CCDC154: variants seen among roughly 807,000 people sequenced by gnomAD.
CCDC154 encodes the protein coiled-coil domain-containing protein 154.
Under a neutral mutation model 87.5 loss-of-function variants are expected in CCDC154, and 91 were observed. The ratio of observed to expected loss-of-function variants is 1.04; its 90% CI spans 0.88 to 1.24. CCDC154 has a LOEUF of 1.24. Among genes scored for constraint, CCDC154 ranks in the 50% most tolerant of loss-of-function variants. The pLI, the probability that CCDC154 is intolerant of heterozygous loss-of-function variation, is 0.00. For missense variants in CCDC154, 903 were observed against 879.2 expected, an observed-to-expected ratio of 1.03 and a Z score of -0.34; for synonymous variants, 418 against 400.4, an observed-to-expected ratio of 1.04 and a Z score of -0.52.
chr16:1,444,273 G>A, intron 1 of CCDC154, 43 bp downstream of exon 1: 1 of 1,299,602 alleles, frequency 7.7e-7, no homozygotes, highest in Non-Finnish European at 1.0e-6. Context: ...CCTCACACCT[G>A]TGGCAAGCCC....
chr16:1,444,034 G>T, intron 1 of CCDC154, 22 bp from the exon 2 acceptor site: 1 of 1,293,566 alleles, frequency 7.7e-7, no homozygotes, highest in Non-Finnish European at 1.0e-6. Context: ...CATCTTGGGA[G>T]CTTGCCCCTT....
In CCDC154 at chr16:1,436,515, T is replaced by A; in HGVS notation, c.1417A>T (p.Ser473Cys). Residue 473 changes from serine (S) to cysteine (C), a missense_variant, in exon 13 of 17, where the codon AGT becomes TGT. By Grantham distance (112) the Ser-to-Cys change is moderately radical. Transcript: ENST00000389176. The part of the protein sequence containing the change: ...KVDGLPQQIE[S>C]VSDKCLLHKS... The stretch of plus-strand genomic sequence containing the variant: ...TGAAGCAGGCACTTGTCGGAGACAC[T>A]CTCTATCTGAACACAGAGCCGGGAG... 1.3e-6 allele frequency: 2 copies of A among 1,548,726 alleles called. No homozygotes were observed. The highest frequency in any genetic ancestry group is 1.7e-6 in the Non-Finnish European group (2 of 1,146,836).
Position 1,438,846 on chromosome 16 carries a change from T to C in CCDC154, c.875A>G (p.Glu292Gly). 2 of 1,547,576 alleles carry C rather than the reference T, an allele frequency of 1.3e-6. No homozygotes were observed. Residue 292 changes from glutamate (E) to glycine (G), a missense_variant, in exon 8 of 17, where the codon GAG becomes GGG. Physicochemically the swap from Glu to Gly is moderately conservative, Grantham distance 98. Coordinates refer to ENST00000389176, the MANE Select transcript of CCDC154 (RefSeq NM_001143980.3). ...CTGCCCCTGCAGGGCCCGCAGGCGCTCCTCCATCAGCCCCCGAAGCTTCTC... is the reference window on the plus strand; with the variant it reads ...CTGCCCCTGCAGGGCCCGCAGGCGCCCCTCCATCAGCCCCCGAAGCTTCTC... ...RWEKLRGLME[E>G]RLRALQGQHE...
In CCDC154 at chr16:1,442,421, C is replaced by G; in HGVS notation, c.660G>C (p.Glu220Asp). The change falls in exon 6 of 17, where the codon GAG becomes GAC. Residue 220 changes from glutamate to aspartate, a missense_variant. Coordinates refer to ENST00000389176, the MANE Select transcript of CCDC154 (RefSeq NM_001143980.3). ...CTGGTGGTACCTGCATTCTGGCCAC[C>G]TCCAGGTCCACCCTCCGGCTGCTGT... ...QEDSSRRVDL[E>D]VARMQAQVTK... 6.5e-7 allele frequency: 1 copy of G among 1,549,374 alleles called. No homozygotes were observed. Among genetic ancestry groups the G allele is most frequent in the Non-Finnish European group, 8.7e-7 (1 of 1,146,352 alleles).
In CCDC154 at chr16:1,436,532, A is replaced by G. The variant is rs2038503656; in HGVS notation, c.1411-11T>C. The G allele has an allele frequency of 6.5e-7, 1 of 1,548,644 alleles. No individual in the cohort carries two copies. The highest frequency in any genetic ancestry group is 2.4e-5 in the East Asian group (1 of 40,888). ...GGAGACACTCTCTATCTGAACACAG[A>G]GCCGGGAGCGGCGGGCAGCCCCAGG... On this transcript the variant is annotated splice_polypyrimidine_tract_variant and intron_variant, in intron 12 of 16. Coordinates refer to ENST00000389176, the MANE Select transcript of CCDC154 (RefSeq NM_001143980.3).
rs888162276 is a variant in CCDC154 at position 1,434,822 on chromosome 16, T to A, written c.1723A>T (p.Ser575Cys). 2.0e-6 allele frequency: 3 copies of A among 1,529,844 alleles called. No homozygotes were observed. In the African/African-American group the frequency reaches 4.1e-5, roughly 21 times the overall value. The allele number at this position is 1,529,844 out of a possible 1,614,324, so 94.8% of individuals were successfully genotyped here. Residue 575 changes from serine to cysteine, a missense_variant, in exon 16 of 17, where the codon AGT becomes TGT. Transcript: ENST00000389176. Reference sequence around the variant, plus strand: ...TCCTCACTCCACAGCCGGAGCACACTCTCCCACAGGGTGGCCATCTCCTGC... The same window carrying A: ...TCCTCACTCCACAGCCGGAGCACACACTCCCACAGGGTGGCCATCTCCTGC... The part of the protein sequence containing the change: ...RTQEMATLWE[S>C]VLRLWSEEGP...
intron 13 of CCDC154, among the ~76,000 whole-genome samples, 159 bp from the exon 14 acceptor site, chr16:1,436,245 G>A (rs1454419053): frequency 6.7e-6 from 1 of 149,310 alleles, no homozygotes; most frequent in Non-Finnish European, 1.5e-5. Context: ...GTCCCCAACG[G>A]GGGGTAGAGG....
chr16:1,436,298 G>T, intron 13 of CCDC154, 147 bp downstream of exon 13: 1 of 851,570 alleles, frequency 1.2e-6, no homozygotes, highest in Non-Finnish European at 1.8e-6. Flanking sequence ...GGGTGGCAGG[G>T]TGAGCCCGGT....
chr16:1,437,371 G>C (rs2038511679), intron 11 of CCDC154: 2 of 187,888 alleles, frequency 1.1e-5, no homozygotes, highest in African/African-American at 2.4e-5. Flanking sequence ...ATGGGAATGA[G>C]TGCGGATGGG....
At chr16:1,443,369 A>G in intron 3 of CCDC154, 68 bp from the exon 4 acceptor site, 1 of 1,506,538 alleles carries the variant, frequency 6.6e-7, no homozygotes, top group Non-Finnish European at 8.9e-7. Flanking sequence ...CCTGGAGTCC[A>G]CCCAGCTCCG....
chr16:1,435,983 C>T lies in CCDC154; in HGVS notation c.1591G>A (p.Gly531Ser). The T allele has an allele frequency of 1.3e-6, 2 of 1,549,640 alleles. No homozygotes were observed. The highest frequency in any genetic ancestry group is 8.7e-7 in the Non-Finnish European group (1 of 1,146,606). ...CCCAGGACTACCGTGGCCAGCTTGCCCTGCATCTCCGCGATCTTCCGCCCA... is the reference window on the plus strand; with the variant it reads ...CCCAGGACTACCGTGGCCAGCTTGCTCTGCATCTCCGCGATCTTCCGCCCA... ...NPGRKIAEMQGKLATFQNQIM... is the reference protein window; with the variant it reads ...NPGRKIAEMQSKLATFQNQIM... The change falls in exon 14 of 17, where the codon GGC becomes AGC. Residue 531 changes from glycine to serine, a missense_variant. By Grantham distance (56) the Gly-to-Ser change is moderately conservative (BLOSUM62 0). Coordinates refer to ENST00000389176, the MANE Select transcript of CCDC154 (RefSeq NM_001143980.3).
rs754264923 is a variant in CCDC154, at chr16:1,438,918, C to T, written c.803G>A (p.Arg268Gln). 6.4e-5 allele frequency: 99 copies of T among 1,549,474 alleles called. 1 individual carries two copies. In the East Asian group the frequency reaches 1.3e-3, roughly 21 times the overall value. ...EKRMKASESS[R>Q]LKLEGSLRGE... ...CCGCAGGCTGCCCTCCAGCTTCAGC[C>T]GTGAGCTCTCCGAGGCCTTCATTCT... The change falls in exon 8 of 17, where the codon CGG (arginine) becomes CAG (glutamine). Residue 268 changes from arginine to glutamine, a missense_variant. By Grantham distance (43) the Arg-to-Gln change is conservative. Coordinates refer to ENST00000389176, the MANE Select transcript of CCDC154 (RefSeq NM_001143980.3).
intron 3 of CCDC154, 77 bp from the exon 4 acceptor site, chr16:1,443,378 C>T (rs1567259697): frequency 2.4e-5 from 36 of 1,494,458 alleles, no homozygotes; most frequent in Middle Eastern, 1.8e-4. Flanking sequence ...CACCCAGCTC[C>T]GGCACCACTG....
Position 1,443,852 on chromosome 16 carries a change from G to C in CCDC154, c.168C>G (p.Ser56=). 1 of 1,304,360 alleles carries C rather than the reference G, an allele frequency of 7.7e-7. No individual in the cohort carries two copies. The highest frequency in any genetic ancestry group is 1.2e-5 in the South Asian group (1 of 81,036). 80.8% of individuals were successfully genotyped at this position (1,304,360 alleles called of 1,614,324 possible). The change falls in exon 2 of 17, where the codon TCC becomes TCG. Residue 56 remains serine (S), a synonymous_variant. Coordinates refer to ENST00000389176, the MANE Select transcript of CCDC154 (RefSeq NM_001143980.3). ...TGTCCTGCTCGGGGACAGAGGCCGT[G>C]GATGTCGGATGGCTGGACTCATACC... ...SERYESSHPT[S]TASVPEQDTA...
chr16:1,441,263 C>T (rs1324363072), intron 6 of CCDC154, among the ~76,000 whole-genome samples: 2 of 152,250 alleles, frequency 1.3e-5, no homozygotes, highest in African/African-American at 4.8e-5. Flanking sequence ...CCCAGCACCC[C>T]TGCCTGCTCC....
intron 7 of CCDC154, 32 bp downstream of exon 7, chr16:1,438,993 G>A (rs938530162): frequency 6.5e-6 from 10 of 1,549,836 alleles, no homozygotes; most frequent in East Asian, 2.4e-5. Flanking sequence ...GGGAAGGGGG[G>A]CAGGGCAGGC....
At position 1,436,505 on chromosome 16, in the gene CCDC154, T is replaced by C. The variant is rs570758553; in HGVS notation, c.1427A>G (p.Asp476Gly). ...GLPQQIESVSDKCLLHKSDSD... is the reference protein window; with the variant it reads ...GLPQQIESVSGKCLLHKSDSD... The stretch of plus-strand genomic sequence containing the variant: ...GTCGCTCTTATGAAGCAGGCACTTG[T>C]CGGAGACACTCTCTATCTGAACACA... The change falls in exon 13 of 17, where the codon GAC (aspartate) becomes GGC (glycine). Residue 476 changes from aspartate (D) to glycine (G), a missense_variant. Coordinates refer to ENST00000389176, the MANE Select transcript of CCDC154 (RefSeq NM_001143980.3). 10 of 1,549,016 alleles carry C rather than the reference T, an allele frequency of 6.5e-6. 1 individual carries two copies. The East Asian group carries it at 2.2e-4, about 34-fold the overall frequency.
rs867487247 is a variant in CCDC154 at position 1,438,889 on chromosome 16, C to T, written c.832G>A (p.Glu278Lys). 47 of 1,549,470 alleles carry T rather than the reference C, an allele frequency of 3.0e-5. No individual in the cohort carries two copies. In the African/African-American group the frequency reaches 4.2e-4, roughly 14 times the overall value. The change falls in exon 8 of 17, where the codon GAG becomes AAG. Residue 278 changes from glutamate (E) to lysine (K), a missense_variant. Transcript: ENST00000389176. ...AGCTTCTCCCACCGGCTCTCCAGCT[C>T]GCCCCGCAGGCTGCCCTCCAGCTTC... The part of the protein sequence containing the change: ...RLKLEGSLRG[E>K]LESRWEKLRG...
intron 6 of CCDC154, among the ~76,000 whole-genome samples, chr16:1,441,936 T>G (rs1567259040): frequency 6.6e-6 from 1 of 151,506 alleles, no homozygotes; most frequent in Non-Finnish European, 1.5e-5. Flanking sequence ...TTTGTTTTGT[T>G]TTTTGAAATG....
Sources: gnomAD v4.1 joint callset for allele counts (sites outside exome capture counted in the v4.1 genomes callset) on GRCh38, gnomAD v4.1.1 for gene constraint, MANE v1.5 for transcripts, NCBI Gene and HGNC (gene_info 2026-07-23, HGNC 2026-07-21) for gene names.